Variants in ARHGAP32 observed in about 807,000 individuals in gnomAD.
ARHGAP32 encodes the protein Rho GTPase activating protein 32.
ARHGAP32 carries 51 observed loss-of-function variants against 186.5 expected under a neutral mutation model. The observed-to-expected ratio is 0.27, with a 90% CI of 0.22 to 0.35. ARHGAP32 has a LOEUF of 0.35. ARHGAP32 is among the 10% of genes least tolerant of loss of function. ARHGAP32 has a pLI of 1.00. For missense variants in ARHGAP32, 2,186 were observed against 2,623.5 expected (o/e 0.83, Z 3.64); for synonymous variants, 950 against 964.3 (o/e 0.99, Z 0.27).
chr11:129,242,083 C>A (rs1375251343), intron 1 of ARHGAP32, among the ~76,000 whole-genome samples: 1 of 152,022 alleles, frequency 6.6e-6, no homozygotes, highest in South Asian at 2.1e-4. Flanking sequence ...ATGTTTGCAA[C>A]TTAGTTGATG....
At chr11:129,191,670 GCA>G (rs71057930) in intron 1 of ARHGAP32, among the ~76,000 whole-genome samples, 4,137 of 147,956 alleles carry the variant, frequency 0.028, 73 homozygotes, top group African/African-American at 0.051. Flanking sequence ...AGGCAGGCAC[GCA>G]CACACACACA....
intron 1 of ARHGAP32, among the ~76,000 whole-genome samples, chr11:129,215,561 C>T (rs1290710416): frequency 6.6e-6 from 1 of 152,112 alleles, no homozygotes; most frequent in Non-Finnish European, 1.5e-5. Context: ...TATTTCCTTG[C>T]CTTTTTCAGT....
chr11:129,094,424 G>T (rs559026518), intron 5 of ARHGAP32, among the ~76,000 whole-genome samples: 1 of 152,208 alleles, frequency 6.6e-6, no homozygotes, highest in South Asian at 2.1e-4. Flanking sequence ...CTGCATACTG[G>T]ATTTTAGTTT....
chr11:129,125,488 A>G (rs930149289), intron 2 of ARHGAP32, among the ~76,000 whole-genome samples: 2 of 152,136 alleles, frequency 1.3e-5, no homozygotes, highest in East Asian at 1.9e-4. Context: ...TATTTTAAAA[A>G]TAAATTTGTG....
chr11:128,978,310 G>A (rs188958037), intron 19 of ARHGAP32, among the ~76,000 whole-genome samples: 5 of 151,900 alleles, frequency 3.3e-5, no homozygotes, highest in South Asian at 2.1e-4. Context: ...GTACTTTTTC[G>A]ACAGTAATAG....
At chr11:129,205,346 C>A (rs1944503006) in intron 1 of ARHGAP32, among the ~76,000 whole-genome samples, 1 of 152,126 alleles carries the variant, frequency 6.6e-6, no homozygotes, top group Non-Finnish European at 1.5e-5. Context: ...ACTTTGCTTA[C>A]TGATATACAA....
intron 11 of ARHGAP32, among the ~76,000 whole-genome samples, chr11:129,003,207 T>C (rs1360906140): frequency 2.0e-5 from 3 of 152,238 alleles, no homozygotes; most frequent in African/African-American, 7.2e-5. Context: ...TTTATGTATG[T>C]TGAACTATCC....
At position 129,157,139 on chromosome 11, in the gene ARHGAP32, G is replaced by C. The variant is rs1943426951; in HGVS notation, c.225+7180C>G. On this transcript the variant is annotated intron_variant, in intron 2 of 22. Coordinates refer to ENST00000682385, the MANE Select transcript of ARHGAP32 (RefSeq NM_001378024.1). ...GATGAGGAAAAACCAGAGCAAAAAG[G>C]CTGAAAATTCCAAAACCAGAACACC... 2.6e-5 allele frequency among the ~76,000 whole-genome samples: 4 copies of C among 152,098 alleles called. No homozygotes were observed. The South Asian group carries it at 8.3e-4, about 32-fold the overall frequency.
intron 9 of ARHGAP32, among the ~76,000 whole-genome samples, chr11:129,063,349 C>T (rs1940577971): frequency 6.6e-6 from 1 of 151,910 alleles, no homozygotes; most frequent in South Asian, 2.1e-4. Context: ...TCTCATTAGC[C>T]AATATATATC....
At chr11:129,107,191 G>C (rs1942071149) in intron 5 of ARHGAP32, among the ~76,000 whole-genome samples, 1 of 152,272 alleles carries the variant, frequency 6.6e-6, no homozygotes, top group Admixed American at 6.5e-5. Context: ...TAGTCAACTA[G>C]CAATCCTATA....
intron 2 of ARHGAP32, among the ~76,000 whole-genome samples, chr11:129,156,320 C>T (rs534695530): frequency 1.7e-4 from 26 of 152,312 alleles, no homozygotes; most frequent in African/African-American, 5.5e-4. Flanking sequence ...CCCAAGGAGC[C>T]CAGCAAGCTA....
Position 129,216,994 on chromosome 11 carries a change from T to C in ARHGAP32, c.-4-52567A>G, listed in dbSNP as rs565410777. ...TAAGGTGTGCTCTGTTTATTGAGCA[T>C]AAAGTTAAATATATTTTAACTAAAT... On this transcript the variant is annotated intron_variant, in intron 1 of 6. Coordinates refer to the ARHGAP32 transcript ENST00000525234. Among the ~76,000 whole-genome samples the C allele has an allele frequency of 3.0e-3, 453 of 152,288 alleles. 1 individual carries two copies. The highest frequency in any genetic ancestry group is 0.01 in the African/African-American group (435 of 41,576).
chr11:129,269,991 T>A (rs1033722140), intron 1 of ARHGAP32, among the ~76,000 whole-genome samples: 1 of 151,894 alleles, frequency 6.6e-6, no homozygotes, highest in African/African-American at 2.4e-5. Flanking sequence ...TCTTAACATA[T>A]GATCCCGCAA....
At position 129,069,725 on chromosome 11, in the gene ARHGAP32, C is replaced by T. The variant is rs12271441; in HGVS notation, c.532-2857G>A. On this transcript the variant is annotated intron_variant, in intron 6 of 22. Transcript: ENST00000682385. ...TGTTTTGTTTTTCTGCTCCTTTTCA[C>T]GAGAAGATGTATTAGGCTTCAACTC... 4.0e-3 allele frequency among the ~76,000 whole-genome samples: 603 copies of T among 151,454 alleles called. 1 individual carries two copies. Among genetic ancestry groups the T allele is most frequent in the African/African-American group, 0.014 (574 of 41,130 alleles).
At chr11:128,987,816 G>A (rs985636913) in intron 13 of ARHGAP32, among the ~76,000 whole-genome samples, 4 of 152,094 alleles carry the variant, frequency 2.6e-5, no homozygotes, top group Non-Finnish European at 5.9e-5. Context: ...AAGTACTGAA[G>A]AGATTAAGGT....
intron 11 of ARHGAP32, among the ~76,000 whole-genome samples, chr11:129,001,203 A>C (rs1946350640): frequency 6.6e-6 from 1 of 152,214 alleles, no homozygotes; most frequent in Non-Finnish European, 1.5e-5. Context: ...GAGGACCCTC[A>C]AACTATTCTC....
chr11:129,105,212 G>T (rs1942015172), intron 5 of ARHGAP32, among the ~76,000 whole-genome samples: 1 of 152,186 alleles, frequency 6.6e-6, no homozygotes. Context: ...AAGAGGGAAA[G>T]CTGAGTAGAG....
At chr11:129,245,809 TTAAA>T (rs1945086908) in intron 1 of ARHGAP32, among the ~76,000 whole-genome samples, 1 of 151,920 alleles carries the variant, frequency 6.6e-6, no homozygotes, top group Non-Finnish European at 1.5e-5. Context: ...ATTCATTGTG[TTAAA>T]TAATAGTGCC....
At chr11:129,076,749 G>A (rs1028823095) in intron 6 of ARHGAP32, among the ~76,000 whole-genome samples, 1 of 152,160 alleles carries the variant, frequency 6.6e-6, no homozygotes, top group Admixed American at 6.5e-5. Context: ...ATGGTGGCTA[G>A]GAGGCAAGAC....
Sources: allele counts gnomAD v4.1 joint callset (sites outside exome capture counted in the v4.1 genomes callset), GRCh38; gene constraint gnomAD v4.1.1; transcripts MANE v1.5; gene names NCBI Gene and HGNC (gene_info 2026-07-23, HGNC 2026-07-21).